Variants in ADAMTS12 observed in about 807,000 individuals in gnomAD.
ADAMTS12 encodes the protein A disintegrin and metalloproteinase with thrombospondin motifs 12.
In ADAMTS12, 118 loss-of-function variants were observed where a neutral mutation model predicts 167.8. The observed-to-expected ratio is 0.70, with a 90% confidence interval of 0.61 to 0.82. ADAMTS12 has a LOEUF of 0.82. Among genes scored for constraint, ADAMTS12 ranks in the 40% least tolerant of loss-of-function variants. ADAMTS12 has a pLI of 0.00. For synonymous variants in ADAMTS12, 704 were observed against 716.9 expected (o/e 0.98, Z 0.29); for missense variants, 1,916 against 1,998.8 (o/e 0.96, Z 0.79).
intron 5 of ADAMTS12, 147 bp from the exon 6 acceptor site, chr5:33,662,187 AC>A: frequency 2.1e-6 from 2 of 962,528 alleles, no homozygotes; most frequent in East Asian, 2.7e-5. Context: ...GCAGAGGCCA[AC>A]TGACTCCTCT....
chr5:33,800,329 G>C (rs930895131), intron 2 of ADAMTS12, among the ~76,000 whole-genome samples: 3 of 152,196 alleles, frequency 2.0e-5, no homozygotes, highest in African/African-American at 4.8e-5. Flanking sequence ...TAGTGAGACA[G>C]ATGAAACAAA....
Position 33,561,088 on chromosome 5 carries a change from T to G in ADAMTS12, c.4064A>C (p.Asp1355Ala). ...ACGGAGGTGGCATCTTTTTGCAGGG[T>G]CAGGTCTCTGGATGGCCGCACAGTC... ...DSDCAAIQRP[D>A]PAKRCHLRPC... The change falls in exon 20 of 24, where the codon GAC (aspartate) becomes GCC (alanine). Residue 1355 changes from aspartate (D) to alanine (A), a missense_variant. Transcript: ENST00000504830. 6.2e-7 allele frequency: 1 copy of G among 1,614,122 alleles called. No homozygotes were observed.
intron 2 of ADAMTS12, among the ~76,000 whole-genome samples, chr5:33,870,715 G>A (rs1750006637): frequency 6.6e-6 from 1 of 152,162 alleles, no homozygotes; most frequent in South Asian, 2.1e-4. Flanking sequence ...CTGATGGGAG[G>A]TGATTGCCTC....
intron 2 of ADAMTS12, among the ~76,000 whole-genome samples, chr5:33,871,435 T>C (rs1002858667): frequency 2.6e-5 from 4 of 152,076 alleles, no homozygotes; most frequent in African/African-American, 9.7e-5. Flanking sequence ...CTTTCATAAA[T>C]ATAGATGCAA....
chr5:33,598,390 C>G (rs1393566510), intron 16 of ADAMTS12, among the ~76,000 whole-genome samples: 2 of 152,080 alleles, frequency 1.3e-5, no homozygotes, highest in Non-Finnish European at 2.9e-5. Flanking sequence ...CTTATCTATT[C>G]CTGCTTAAAT....
At chr5:33,813,135 A>C (rs1261188964) in intron 2 of ADAMTS12, among the ~76,000 whole-genome samples, 1 of 152,216 alleles carries the variant, frequency 6.6e-6, no homozygotes, top group African/African-American at 2.4e-5. Context: ...GGATCACGCA[A>C]AACAGATTCC....
At chr5:33,628,110 A>C (rs773037363) in intron 13 of ADAMTS12, among the ~76,000 whole-genome samples, 3 of 152,090 alleles carry the variant, frequency 2.0e-5, no homozygotes, top group Non-Finnish European at 4.4e-5. Context: ...TGATGGATAG[A>C]CCAGGGCATC....
Position 33,630,824 on chromosome 5 carries a change from C to G in ADAMTS12, c.1978G>C (p.Glu660Gln). 1.9e-6 allele frequency: 3 copies of G among 1,613,706 alleles called. No homozygotes were observed. Among genetic ancestry groups the G allele is most frequent in the Non-Finnish European group, 2.5e-6 (3 of 1,179,722 alleles). The change falls in exon 13 of 24, where the codon GAA becomes CAA. Residue 660 changes from glutamate to glutamine, a missense_variant. By Grantham distance (29) the Glu-to-Gln change is conservative (BLOSUM62 2). Coordinates refer to ENST00000504830, the MANE Select transcript of ADAMTS12 (RefSeq NM_030955.4). ...CAGACATTTCTGCTGTTGCCGCCTT[C>G]AAAGCAAGGGGTACCATCAATGACA... ...DAVIDGTPCF[E>Q]GGNSRNVCIN...
intron 2 of ADAMTS12, among the ~76,000 whole-genome samples, chr5:33,848,438 A>C (rs1239678665): frequency 6.6e-6 from 1 of 152,214 alleles, no homozygotes; most frequent in Non-Finnish European, 1.5e-5. Context: ...TGAATGTGAA[A>C]TGTTGAAGAC....
At position 33,723,678 on chromosome 5, in the gene ADAMTS12, C is replaced by A. The variant is rs1743879321; in HGVS notation, c.634+27726G>T. ...GCAGCACAACATGGAGTGGTGTGTG[C>A]AACCCCAGCCCTGGGCAAGCAGAGG... On this transcript the variant is annotated intron_variant, in intron 3 of 23. Coordinates refer to ENST00000504830, the MANE Select transcript of ADAMTS12 (RefSeq NM_030955.4). Among the ~76,000 whole-genome samples the A allele has an allele frequency of 2.0e-5, 3 of 152,276 alleles. No individual in the cohort carries two copies. In the South Asian group the frequency reaches 6.2e-4, roughly 32 times the overall value.
At chr5:33,736,418 A>G (rs531211300) in intron 3 of ADAMTS12, among the ~76,000 whole-genome samples, 1 of 152,336 alleles carries the variant, frequency 6.6e-6, no homozygotes, top group African/African-American at 2.4e-5. Flanking sequence ...ACCCAAAAGT[A>G]GAAGTTCTGG....
intron 7 of ADAMTS12, among the ~76,000 whole-genome samples, chr5:33,654,677 C>T (rs1166437788): frequency 1.3e-5 from 2 of 152,162 alleles, no homozygotes; most frequent in African/African-American, 4.8e-5. Flanking sequence ...GTGTTTGATG[C>T]TTTGTTATAG....
At chr5:33,743,345 G>C (rs969633746) in intron 3 of ADAMTS12, among the ~76,000 whole-genome samples, 1 of 152,206 alleles carries the variant, frequency 6.6e-6, no homozygotes. Flanking sequence ...TAGTGGACTG[G>C]ATGAGAATTT....
At chr5:33,770,402 A>G (rs1208893240) in intron 2 of ADAMTS12, among the ~76,000 whole-genome samples, 1 of 152,064 alleles carries the variant, frequency 6.6e-6, no homozygotes. Context: ...GTCCAGGAGG[A>G]ATCTGTAACT....
intron 3 of ADAMTS12, among the ~76,000 whole-genome samples, chr5:33,716,888 T>C (rs1228369793): frequency 6.6e-6 from 1 of 152,130 alleles, no homozygotes; most frequent in East Asian, 1.9e-4. Context: ...AATTCTACAG[T>C]ATAAAATAAA....
intron 3 of ADAMTS12, among the ~76,000 whole-genome samples, chr5:33,724,967 T>A (rs1255711129): frequency 2.6e-5 from 4 of 152,180 alleles, no homozygotes; most frequent in Non-Finnish European, 4.4e-5. Flanking sequence ...TTATCCCTTA[T>A]AAGACCTGTC....
chr5:33,628,244 G>A (rs527927804), intron 13 of ADAMTS12, among the ~76,000 whole-genome samples: 25 of 152,146 alleles, frequency 1.6e-4, no homozygotes, highest in Non-Finnish European at 2.5e-4. Flanking sequence ...GAAGGTTAGC[G>A]AGCTGGCCTC....
At chr5:33,574,546 A>G (rs1182461682) in intron 19 of ADAMTS12, among the ~76,000 whole-genome samples, 1 of 144,894 alleles carries the variant, frequency 6.9e-6, no homozygotes, top group Non-Finnish European at 1.5e-5. Flanking sequence ...GAATTGAACA[A>G]TGAGAATACA....
intron 16 of ADAMTS12, among the ~76,000 whole-genome samples, chr5:33,607,331 A>G (rs541825790): frequency 6.6e-6 from 1 of 152,348 alleles, no homozygotes; most frequent in African/African-American, 2.4e-5. Context: ...AATTCTACAG[A>G]CAAACAGAAC....
Sources: gnomAD v4.1 joint callset for allele counts (sites outside exome capture counted in the v4.1 genomes callset) on GRCh38, gnomAD v4.1.1 for gene constraint, MANE v1.5 for transcripts, NCBI Gene and HGNC (gene_info 2026-07-23, HGNC 2026-07-21) for gene names.